PRKG1: variants seen among roughly 807,000 people sequenced by gnomAD.
PRKG1 encodes the protein cGMP-dependent protein kinase 1.
In PRKG1, 35 loss-of-function variants were observed where a neutral mutation model predicts 88.1. The observed-to-expected ratio is 0.40, with a 90% CI of 0.30 to 0.53. PRKG1 has a LOEUF of 0.53. PRKG1 is among the 20% of genes least tolerant of loss of function. The pLI, the probability that PRKG1 is intolerant of heterozygous loss-of-function variation, is 0.59. For synonymous variants in PRKG1, 303 were observed against 292.5 expected, an observed-to-expected ratio of 1.04 and a Z score of -0.37; for missense variants, 540 against 839.8, an observed-to-expected ratio of 0.64 and a Z score of 4.41.
intron 8 of PRKG1, among the ~76,000 whole-genome samples, chr10:52,153,674 T>A (rs1416917381): frequency 6.6e-6 from 1 of 152,220 alleles, no homozygotes. Context: ...AGAGTAGAAC[T>A]GACGGGAACA....
intron 1 of PRKG1, among the ~76,000 whole-genome samples, chr10:51,005,294 C>T (rs183808131): frequency 5.3e-5 from 8 of 152,040 alleles, no homozygotes; most frequent in Admixed American, 1.3e-4. Context: ...AAAATGATCC[C>T]GGGAATCACA....
At chr10:51,825,063 T>A (rs1408108470) in intron 4 of PRKG1, among the ~76,000 whole-genome samples, 1 of 152,190 alleles carries the variant, frequency 6.6e-6, no homozygotes, top group African/African-American at 2.4e-5. Context: ...CCCATGTTAG[T>A]GGTTTTCAGC....
In PRKG1 at chr10:52,298,196, T is replaced by G. The variant is rs1842420444; in HGVS notation, c.*4296T>G. On this transcript the variant is annotated 3_prime_UTR_variant, in exon 18 of 18. Coordinates refer to ENST00000373980, the MANE Select transcript of PRKG1 (RefSeq NM_006258.4). ...CAGAATGCAACAAACTGTCATCAAA[T>G]GGTCATTGACCACTTGCACTCTTTT... is the stretch of plus-strand genomic sequence containing the variant. 1 of 152,064 alleles carries G rather than the reference T, an allele frequency of 6.6e-6. No homozygotes were observed. Among genetic ancestry groups the G allele is most frequent in the African/African-American group, 2.4e-5 (1 of 41,412 alleles). The allele number at this position is 152,064 out of a possible 1,614,324, so 9.4% of individuals were successfully genotyped here. A position where few individuals can be genotyped will look rare whatever the true frequency, so the allele number is the denominator to read the frequency against.
At chr10:51,854,421 A>G (rs2132813952) in intron 4 of PRKG1, among the ~76,000 whole-genome samples, 1 of 152,256 alleles carries the variant, frequency 6.6e-6, no homozygotes, top group Non-Finnish European at 1.5e-5. Context: ...CATAATTCAC[A>G]TGATAATGTC....
At chr10:51,775,562 C>A (rs1367864662) in intron 3 of PRKG1, among the ~76,000 whole-genome samples, 1 of 150,596 alleles carries the variant, frequency 6.6e-6, no homozygotes, top group Non-Finnish European at 1.5e-5. Flanking sequence ...AAGCCCAGTT[C>A]TTTAATTATT....
intron 2 of PRKG1, among the ~76,000 whole-genome samples, chr10:51,238,397 A>G (rs1027768833): frequency 1.3e-5 from 2 of 152,128 alleles, no homozygotes; most frequent in South Asian, 4.1e-4. Flanking sequence ...CCTGGTCAAC[A>G]TGGTAAAACT....
At chr10:51,568,531 G>A (rs1245828942) in intron 3 of PRKG1, 1 of 151,744 alleles carries the variant, frequency 6.6e-6, no homozygotes, top group Non-Finnish European at 1.5e-5. Context: ...TGAACCACTG[G>A]GCTTAGCCCC....
At chr10:52,141,660 C>T (rs1247198078) in intron 8 of PRKG1, among the ~76,000 whole-genome samples, 2 of 152,150 alleles carry the variant, frequency 1.3e-5, no homozygotes, top group Non-Finnish European at 2.9e-5. Flanking sequence ...AACCTTTTGA[C>T]TCTGCTCAAA....
chr10:51,947,108 G>T (rs1321344501), intron 5 of PRKG1, among the ~76,000 whole-genome samples: 1 of 152,054 alleles, frequency 6.6e-6, no homozygotes, highest in African/African-American at 2.4e-5. Context: ...AGCTGTGGTG[G>T]GCTCCACCCA....
chr10:51,563,428 A>C (rs1442124346), intron 3 of PRKG1, among the ~76,000 whole-genome samples: 4 of 152,050 alleles, frequency 2.6e-5, no homozygotes, highest in Admixed American at 6.6e-5. Flanking sequence ...AATTATTTTC[A>C]ATTTTAAAAA....
chr10:51,973,160 C>G (rs897237165), intron 5 of PRKG1, among the ~76,000 whole-genome samples: 9 of 152,124 alleles, frequency 5.9e-5, no homozygotes, highest in Admixed American at 6.6e-5. Context: ...AATGTGTGAC[C>G]AATGCTTGCC....
At chr10:51,895,781 A>G (rs1841829567) in intron 4 of PRKG1, among the ~76,000 whole-genome samples, 1 of 152,070 alleles carries the variant, frequency 6.6e-6, no homozygotes, top group South Asian at 2.1e-4. Context: ...GCCTAGATTC[A>G]TTGGAATCTA....
chr10:51,969,445 T>C (rs1843650866), intron 5 of PRKG1, among the ~76,000 whole-genome samples: 1 of 152,180 alleles, frequency 6.6e-6, no homozygotes, highest in Non-Finnish European at 1.5e-5. Flanking sequence ...GAATTATTCC[T>C]CAGAGAATAA....
At chr10:51,568,392 T>C (rs1486114772) in intron 3 of PRKG1, 1 of 151,384 alleles carries the variant, frequency 6.6e-6, no homozygotes, top group Admixed American at 6.6e-5. Context: ...TTTTTTCATA[T>C]ATTTTTTAAT....
rs141632081 is a variant in PRKG1, at chr10:52,101,089, T to G, written c.936-32751T>G. 3.2e-3 allele frequency among the ~76,000 whole-genome samples: 486 copies of G among 152,326 alleles called. 4 individuals are homozygous for G. Among genetic ancestry groups the G allele is most frequent in the African/African-American group, 0.011 (440 of 41,576 alleles). The stretch of plus-strand genomic sequence containing the variant: ...ATTCATATTGATGAATCTGTCTCCT[T>G]AGCTTACTTTTAATTTTCAGAATTC... On this transcript the variant is annotated intron_variant, in intron 7 of 17. Coordinates refer to ENST00000373980, the MANE Select transcript of PRKG1 (RefSeq NM_006258.4).
intron 7 of PRKG1, among the ~76,000 whole-genome samples, chr10:52,127,289 G>A (rs1167972567): frequency 6.6e-6 from 1 of 152,176 alleles, no homozygotes; most frequent in African/African-American, 2.4e-5. Flanking sequence ...GTGGTTTTGA[G>A]GTTAGGAGAA....
At chr10:51,499,892 G>A (rs1029627946) in intron 3 of PRKG1, among the ~76,000 whole-genome samples, 5 of 152,134 alleles carry the variant, frequency 3.3e-5, no homozygotes, top group African/African-American at 1.2e-4. Context: ...CCAGGAAGTC[G>A]AGGCTGCAGT....
At chr10:51,395,804 G>A (rs552329021) in intron 2 of PRKG1, among the ~76,000 whole-genome samples, 1 of 152,266 alleles carries the variant, frequency 6.6e-6, no homozygotes, top group Admixed American at 6.5e-5. Flanking sequence ...AAGTAATGCT[G>A]TGACTGATTG....
At chr10:51,935,264 C>A (rs565012719) in intron 5 of PRKG1, among the ~76,000 whole-genome samples, 1 of 152,254 alleles carries the variant, frequency 6.6e-6, no homozygotes, top group Admixed American at 6.5e-5. Flanking sequence ...ACTTAAGAAT[C>A]ATTCAGCCTG....
Sources: gnomAD v4.1 joint callset for allele counts (sites outside exome capture counted in the v4.1 genomes callset) on GRCh38, gnomAD v4.1.1 for gene constraint, MANE v1.5 for transcripts, NCBI Gene and HGNC (gene_info 2026-07-23, HGNC 2026-07-21) for gene names.